The following FARS2 variants were observed in gnomAD, a reference collection of about 807,000 sequenced individuals.
FARS2 encodes phenylalanyl-tRNA synthetase 2, mitochondrial.
Under a neutral mutation model 46.4 loss-of-function variants are expected in FARS2, and 40 were observed. The observed-to-expected ratio is 0.86, with a 90% CI of 0.67 to 1.12. FARS2 has a LOEUF of 1.12. Ranked by LOEUF, FARS2 falls within the 50% of genes most tolerant of loss-of-function variation. The pLI is 0.00. For missense variants in FARS2, 513 were observed against 567.9 expected (o/e 0.90, Z 0.98); for synonymous variants, 234 against 214.9 (o/e 1.09, Z -0.78).
At chr6:5,276,711 G>A (rs1766360736) in intron 1 of FARS2, among the ~76,000 whole-genome samples, 1 of 152,196 alleles carries the variant, frequency 6.6e-6, no homozygotes, top group East Asian at 1.9e-4. Context: ...TCCCTGGGCA[G>A]TAGGAGACTG....
Position 5,657,442 on chromosome 6 carries a change from G to A in FARS2, c.1217+44122G>A, listed in dbSNP as rs145818964. Among the ~76,000 whole-genome samples the A allele has an allele frequency of 9.2e-5, 14 of 152,310 alleles. No homozygotes were observed. The East Asian group carries it at 1.5e-3, about 17-fold the overall frequency. ...GGAAATGACATGGAAGATCAGATGC[G>A]GGAAATCATTGAAATATTTGCCCTC... On this transcript the variant is annotated intron_variant, in intron 6 of 6. Transcript: ENST00000274680.
chr6:5,367,885 G>T (rs1758782669), intron 1 of FARS2, among the ~76,000 whole-genome samples: 1 of 152,098 alleles, frequency 6.6e-6, no homozygotes, highest in Non-Finnish European at 1.5e-5. Context: ...TATTTCCTGA[G>T]ATTTTCTATT....
At chr6:5,508,761 C>A (rs1561672484) in intron 4 of FARS2, among the ~76,000 whole-genome samples, 2 of 152,174 alleles carry the variant, frequency 1.3e-5, no homozygotes, top group Non-Finnish European at 2.9e-5. Flanking sequence ...AGGATGACAG[C>A]CAGGCAGCCG....
upstream of FARS2, among the ~76,000 whole-genome samples, chr6:5,259,319 T>C (rs565474026): frequency 6.6e-6 from 1 of 152,108 alleles, no homozygotes; most frequent in African/African-American, 2.4e-5. Context: ...TACTTGGTGC[T>C]AGGTGTTTGG....
chr6:5,670,426 C>G (rs750930791), intron 6 of FARS2, among the ~76,000 whole-genome samples: 7 of 152,274 alleles, frequency 4.6e-5, no homozygotes, highest in Non-Finnish European at 8.8e-5. Flanking sequence ...CTTTTAGCTT[C>G]TAGAGAGTAG....
At chr6:5,542,037 G>A (rs185996178) in intron 4 of FARS2, among the ~76,000 whole-genome samples, 1 of 152,284 alleles carries the variant, frequency 6.6e-6, no homozygotes, top group Admixed American at 6.5e-5. Context: ...CATATAACCA[G>A]CAATGAGGAG....
At chr6:5,348,262 C>CATAT (rs1444039734) in intron 1 of FARS2, among the ~76,000 whole-genome samples, 1 of 152,054 alleles carries the variant, frequency 6.6e-6, no homozygotes, top group Non-Finnish European at 1.5e-5. Flanking sequence ...AAAGCATTCT[C>CATAT]ATATATTTTA....
intron 6 of FARS2, among the ~76,000 whole-genome samples, chr6:5,675,153 TA>T (rs1481800811): frequency 2.0e-5 from 3 of 152,142 alleles, no homozygotes; most frequent in African/African-American, 7.2e-5. Flanking sequence ...TAAAGTTGCA[TA>T]TATTTACCTC....
intron 1 of FARS2, among the ~76,000 whole-genome samples, chr6:5,299,746 C>T (rs1768159052): frequency 7.0e-6 from 1 of 142,232 alleles, no homozygotes; most frequent in Admixed American, 7.3e-5. Flanking sequence ...CAAGTGATCT[C>T]ATTGTTCATT....
the FARS2 span, among the ~76,000 whole-genome samples, chr6:5,252,501 A>G: frequency 6.6e-6 from 1 of 152,098 alleles, no homozygotes; most frequent in African/African-American, 2.4e-5. Flanking sequence ...TACTTTTCAC[A>G]TGCCTTACTG....
chr6:5,616,270 C>T (rs1775476920), intron 6 of FARS2, among the ~76,000 whole-genome samples: 1 of 152,070 alleles, frequency 6.6e-6, no homozygotes, highest in South Asian at 2.1e-4. Context: ...CCAATTCAGC[C>T]CTGGACTTTT....
intron 4 of FARS2, among the ~76,000 whole-genome samples, chr6:5,542,372 G>C (rs186579247): frequency 1.3e-5 from 2 of 152,278 alleles, no homozygotes; most frequent in African/African-American, 4.8e-5. Context: ...GAGCTATTCT[G>C]AATTAAGCTG....
intron 1 of FARS2, among the ~76,000 whole-genome samples, chr6:5,276,426 G>A (rs2127841652): frequency 6.6e-6 from 1 of 152,198 alleles, no homozygotes; most frequent in African/African-American, 2.4e-5. Flanking sequence ...GTGAAAGTGG[G>A]TGCTATTAAA....
intron 6 of FARS2, among the ~76,000 whole-genome samples, chr6:5,685,002 G>A (rs1757081231): frequency 6.6e-6 from 1 of 152,148 alleles, no homozygotes; most frequent in South Asian, 2.1e-4. Context: ...TCTTCTTGAA[G>A]TAAAGAAACT....
At chr6:5,393,917 A>C (rs949602514) in intron 2 of FARS2, among the ~76,000 whole-genome samples, 2 of 152,234 alleles carry the variant, frequency 1.3e-5, no homozygotes, top group Non-Finnish European at 2.9e-5. Flanking sequence ...CCTGCTATGC[A>C]TTTAGACTGA....
chr6:5,739,986 C>A (rs1003853553), intron 6 of FARS2, among the ~76,000 whole-genome samples: 1 of 152,190 alleles, frequency 6.6e-6, no homozygotes, highest in Non-Finnish European at 1.5e-5. Flanking sequence ...GCAATTATGG[C>A]TTAGAAAAAT....
chr6:5,489,420 C>T (rs553346130), intron 4 of FARS2, among the ~76,000 whole-genome samples: 1 of 152,264 alleles, frequency 6.6e-6, no homozygotes, highest in South Asian at 2.1e-4. Context: ...CACCACTGCA[C>T]TCCAGCCTGG....
At chr6:5,394,396 A>G (rs919300250) in intron 2 of FARS2, among the ~76,000 whole-genome samples, 4 of 152,208 alleles carry the variant, frequency 2.6e-5, no homozygotes. Flanking sequence ...TAGGCACAAT[A>G]GGCTATACTT....
At chr6:5,744,110 G>A (rs1761507221) in intron 6 of FARS2, among the ~76,000 whole-genome samples, 1 of 152,210 alleles carries the variant, frequency 6.6e-6, no homozygotes, top group African/African-American at 2.4e-5. Flanking sequence ...TGAGGGGAAG[G>A]TGTGCGAGAT....
Sources: gnomAD v4.1 joint callset for allele counts (sites outside exome capture counted in the v4.1 genomes callset) on GRCh38, gnomAD v4.1.1 for gene constraint, MANE v1.5 for transcripts, NCBI Gene and HGNC (gene_info 2026-07-23, HGNC 2026-07-21) for gene names.